Variants in SNED1 observed in about 807,000 individuals in gnomAD.
The protein encoded by SNED1 is sushi, nidogen and EGF like domains 1.
SNED1 carries 81 observed loss-of-function variants against 166.7 expected under a neutral mutation model. The observed-to-expected ratio is 0.49, with a 90% CI of 0.41 to 0.58. The LOEUF (loss-of-function observed/expected upper bound fraction) is 0.58, where lower values mean the gene tolerates loss of function less well. Ranked by LOEUF, SNED1 falls within the 20% of genes least tolerant of loss-of-function variation. The probability of loss-of-function intolerance (pLI) is 0.00; values close to 1 mark genes in which losing one functional copy is unlikely to be tolerated. For missense variants in SNED1, 1,604 were observed against 2,000.2 expected (o/e 0.80, Z 3.78); for synonymous variants, 762 against 822.0 (o/e 0.93, Z 1.25).
chr2:241,067,981 T>G (rs2062532928), intron 22 of SNED1, 34 bp downstream of exon 22: 2 of 1,570,720 alleles, frequency 1.3e-6, no homozygotes, highest in Non-Finnish European at 1.7e-6. Context: ...GGGGCTGGGG[T>G]GAAGGCAGGG....
At chr2:241,005,088 T>C (rs774551070) in intron 1 of SNED1, among the ~76,000 whole-genome samples, 12 of 152,116 alleles carry the variant, frequency 7.9e-5, no homozygotes, top group Admixed American at 1.3e-4. Flanking sequence ...TCTTTTATAT[T>C]TACCCACATA....
intron 4 of SNED1, chr2:241,035,778 T>C (rs1164917330): frequency 1.6e-4 from 14 of 88,416 alleles, no homozygotes; most frequent in Admixed American, 6.1e-4. Flanking sequence ...GGATGGGGTA[T>C]GCAGGTGCGC....
intron 1 of SNED1, among the ~76,000 whole-genome samples, chr2:241,023,242 GCTTT>G (rs1477333448): frequency 6.6e-6 from 1 of 151,974 alleles, no homozygotes; most frequent in Non-Finnish European, 1.5e-5. Context: ...TTGAAGTTCT[GCTTT>G]CTTCACATCC....
chr2:241,067,844 C>T lies in SNED1; in HGVS notation c.3091C>T (p.Arg1031Cys), dbSNP rs764453272. The change falls in exon 22 of 32, where the codon CGC (arginine) becomes TGC (cysteine). Residue 1031 changes from arginine (R) to cysteine (C), a missense_variant. Coordinates refer to ENST00000310397, the MANE Select transcript of SNED1 (RefSeq NM_001080437.3). ...ISVQWALHRI[R>C]HATVSGVRVS... ...AGTGCAGTGGGCCCTGCACAGGATC[C>T]GCCATGCCACCGTCAGTGGGGTCCG... The T allele has an allele frequency of 1.4e-5, 23 of 1,613,466 alleles. No homozygotes were observed. The highest frequency in any genetic ancestry group is 4.5e-5 in the East Asian group (2 of 44,884).
chr2:241,036,433 G>C (rs569333592), intron 4 of SNED1, among the ~76,000 whole-genome samples: 1 of 152,200 alleles, frequency 6.6e-6, no homozygotes, highest in Non-Finnish European at 1.5e-5. Context: ...TGCCAGCCTC[G>C]GGTTTTCCAC....
In SNED1 at chr2:241,064,099, GCTT is replaced by G. The variant is rs2062337791; in HGVS notation, c.2578_2580del (p.Phe860del). 1 of 1,566,070 alleles carries G rather than the reference GCTT, an allele frequency of 6.4e-7. No individual in the cohort carries two copies. Among genetic ancestry groups the G allele is most frequent in the East Asian group, 2.4e-5 (1 of 41,830 alleles). On this transcript the variant is annotated inframe_deletion, in exon 19 of 32. Coordinates refer to ENST00000310397, the MANE Select transcript of SNED1 (RefSeq NM_001080437.3). This position sits in a 1 kb window ranked among gnomAD's most constrained non-coding sequence, Gnocchi z 7.0. The stretch of plus-strand genomic sequence containing the variant: ...GCCTACCTGTGCGTCTGCCCAGAGA[GCTT>G]CTTCGGCTACCACTGCGAGACAGGT...
In SNED1 at chr2:241,071,481, C is replaced by T. The variant is rs1007446743; in HGVS notation, c.3590-95C>T. The stretch of plus-strand genomic sequence containing the variant: ...ATGCCCCCCTTCCCTTCTCCAAGCA[C>T]GGCTGAGTGTGAGGGGCACCACCCA... On this transcript the variant is annotated intron_variant, in intron 24 of 31. Transcript: ENST00000310397. 56 of 1,417,316 alleles carry T rather than the reference C, an allele frequency of 4.0e-5. No homozygotes were observed. In the Admixed American group the frequency reaches 8.4e-4, roughly 21 times the overall value. The allele number at this position is 1,417,316 out of a possible 1,614,324, so 87.8% of individuals were successfully genotyped here. A position where few individuals can be genotyped will look rare whatever the true frequency, so the allele number is the denominator to read the frequency against.
rs567980812 is a variant in SNED1 at position 241,027,896 on chromosome 2, G to A, written c.214-2388G>A. Among the ~76,000 whole-genome samples, 189 of 152,114 alleles carry A rather than the reference G, an allele frequency of 1.2e-3. 5 individuals carry two copies. The South Asian group carries it at 0.036, about 29-fold the overall frequency. ...CTACAGGCACCCACCACCATGCCTG[G>A]CTAATTTTTTGTATTTCTAGTAGAG... On this transcript the variant is annotated intron_variant, in intron 1 of 31. Coordinates refer to ENST00000310397, the MANE Select transcript of SNED1 (RefSeq NM_001080437.3).
At chr2:241,070,470 A>AC (rs1185535544) in intron 24 of SNED1, among the ~76,000 whole-genome samples, 3 of 152,248 alleles carry the variant, frequency 2.0e-5, no homozygotes, top group African/African-American at 7.2e-5. Flanking sequence ...TAGATCCCAG[A>AC]CAGGCCGAGC....
At chr2:241,011,358 G>A (rs537511094) in intron 1 of SNED1, among the ~76,000 whole-genome samples, 14 of 152,002 alleles carry the variant, frequency 9.2e-5, no homozygotes, top group Admixed American at 2.6e-4. Context: ...TGTCCCAGTG[G>A]CGCTGGGCAG....
Position 241,078,172 on chromosome 2 carries a change from C to G in SNED1, c.3917-3505C>G, listed in dbSNP as rs555796747. On this transcript the variant is annotated intron_variant, in intron 27 of 31. Transcript: ENST00000310397. ...GGCCGAGGCGGGCAGATCACCAGGT[C>G]AGGCGTTCGAGACAAGTCTGGCCAA... Among the ~76,000 whole-genome samples, 40 of 149,702 alleles carry G rather than the reference C, an allele frequency of 2.7e-4. 1 individual carries two copies. The highest frequency in any genetic ancestry group is 9.2e-4 in the African/African-American group (36 of 39,256).
chr2:241,081,157 A>G (rs2125300757), intron 27 of SNED1, among the ~76,000 whole-genome samples: 1 of 152,340 alleles, frequency 6.6e-6, no homozygotes, highest in Non-Finnish European at 1.5e-5. Flanking sequence ...GCAGCCCTGC[A>G]AAGACCATCT....
intron 16 of SNED1, among the ~76,000 whole-genome samples, chr2:241,056,971 G>C (rs1357960957): frequency 3.9e-5 from 6 of 152,174 alleles, no homozygotes; most frequent in Non-Finnish European, 4.4e-5. Context: ...CCCAGAAATA[G>C]AGGACAGAAT....
chr2:241,032,941 G>A (rs2061234709), intron 2 of SNED1, among the ~76,000 whole-genome samples: 1 of 152,074 alleles, frequency 6.6e-6, no homozygotes, highest in South Asian at 2.1e-4. Flanking sequence ...TTTTCACATT[G>A]CTGTTTGCCA....
intron 31 of SNED1, chr2:241,090,566 C>A (rs2063883866): frequency 8.1e-7 from 1 of 1,228,082 alleles, no homozygotes; most frequent in Non-Finnish European, 1.1e-6. Flanking sequence ...CAGGGCAGTG[C>A]AGTAGGTTTG....
chr2:241,039,986 T>A lies in SNED1; in HGVS notation c.1046-89T>A, dbSNP rs1363751120. The stretch of plus-strand genomic sequence containing the variant: ...CCCTGCAATGTAAGCCAGTTGGGGG[T>A]GGGGCTCAGTGTACGTCCCAGGGGT... On this transcript the variant is annotated intron_variant, in intron 6 of 31. Transcript: ENST00000310397. The A allele has an allele frequency of 5.8e-6, 6 of 1,034,620 alleles. No individual in the cohort carries two copies. In the East Asian group the frequency reaches 1.6e-4, roughly 27 times the overall value. The allele number at this position is 1,034,620 out of a possible 1,614,324, so 64.1% of individuals were successfully genotyped here. A position where few individuals can be genotyped will look rare whatever the true frequency, so the allele number is the denominator to read the frequency against.
chr2:241,083,238 A>G (rs6437236), intron 29 of SNED1, among the ~76,000 whole-genome samples: 50,166 of 152,042 alleles, frequency 0.33, 12,223 homozygotes, highest in African/African-American at 0.67. Context: ...AGGGATGGAC[A>G]TTCCAGAGCC....
At chr2:241,083,892 C>A (rs2063449555) in intron 29 of SNED1, among the ~76,000 whole-genome samples, 2 of 149,530 alleles carry the variant, frequency 1.3e-5, no homozygotes, top group South Asian at 4.2e-4. Flanking sequence ...TGGATTTAAA[C>A]TGCCATATTA....
rs10206324 is a variant in SNED1 at position 241,051,612 on chromosome 2, A to G, written c.1736-132A>G. 0.56 allele frequency: 381,337 copies of G among 684,404 alleles called. 109,446 individuals carry two copies. Among genetic ancestry groups the G allele is most frequent in the East Asian group, 0.81 (27,891 of 34,318 alleles). 42.4% of individuals were successfully genotyped at this position (684,404 alleles called of 1,614,324 possible). ...TGCGGACCTGCTTGGCCCCTGCTGCAGCCAGGCCCCAGGGCTTCGTCGAGA... is the reference window on the plus strand; with the variant it reads ...TGCGGACCTGCTTGGCCCCTGCTGCGGCCAGGCCCCAGGGCTTCGTCGAGA... On this transcript the variant is annotated intron_variant, in intron 12 of 31. Transcript: ENST00000310397. The surrounding 1 kb of genome is among the most constrained non-coding windows in gnomAD (Gnocchi z 4.7).
Sources: gnomAD v4.1 joint callset for allele counts (sites outside exome capture counted in the v4.1 genomes callset) on GRCh38, gnomAD v4.1.1 for gene constraint, Gnocchi (gnomAD v3.1) non-coding constraint, MANE v1.5 for transcripts, NCBI Gene and HGNC (gene_info 2026-07-23, HGNC 2026-07-21) for gene names.